The following FAF2 variants were observed in gnomAD, a reference collection of about 807,000 sequenced individuals.
FAF2 encodes the protein FAS-associated factor 2.
In FAF2, 9 loss-of-function variants were observed where a neutral mutation model predicts 62.3. That is an observed-to-expected ratio of 0.14 (90% confidence interval 0.09 to 0.25). The LOEUF (loss-of-function observed/expected upper bound fraction) is 0.25, where lower values mean the gene tolerates loss of function less well. Among genes scored for constraint, FAF2 ranks in the 10% least tolerant of loss-of-function variants. The pLI, the probability that FAF2 is intolerant of heterozygous loss-of-function variation, is 1.00. For missense variants in FAF2, 368 were observed against 556.2 expected (o/e 0.66, Z 3.40); for synonymous variants, 202 against 198.0 (o/e 1.02, Z -0.17).
chr5:176,500,617 C>T (rs78703708), intron 10 of FAF2, among the ~76,000 whole-genome samples: 3,097 of 152,232 alleles, frequency 0.02, 103 homozygotes, highest in African/African-American at 0.07. Context: ...TCTTTCTACT[C>T]AGCCCAAAGG....
chr5:176,483,494 A>G (rs1184214006), intron 2 of FAF2, among the ~76,000 whole-genome samples: 2 of 152,220 alleles, frequency 1.3e-5, no homozygotes, highest in East Asian at 1.9e-4. Flanking sequence ...ATATCCAATT[A>G]TCCCAGCATC....
intron 1 of FAF2, among the ~76,000 whole-genome samples, chr5:176,478,472 C>T (rs1401468874): frequency 6.6e-6 from 1 of 151,782 alleles, no homozygotes; most frequent in Non-Finnish European, 1.5e-5. Context: ...GAGCAAGACC[C>T]TGTCTCGAAA....
rs1759026960 is a variant in FAF2, at chr5:176,494,395, G to T, written c.661+120G>T. On this transcript the variant is annotated intron_variant, in intron 7 of 10. Transcript: ENST00000261942. This position sits in a 1 kb window ranked among gnomAD's most constrained non-coding sequence, Gnocchi z 4.0. ...TTCTGTGGTAGATACGACGCTAGTTGCTATTTTATATTGTCTCATTTAATC... is the reference window on the plus strand; with the variant it reads ...TTCTGTGGTAGATACGACGCTAGTTTCTATTTTATATTGTCTCATTTAATC... The T allele has an allele frequency of 2.5e-6, 2 of 803,178 alleles. No individual in the cohort carries two copies. Among genetic ancestry groups the T allele is most frequent in the Non-Finnish European group, 4.3e-6 (2 of 467,590 alleles). The allele number at this position is 803,178 out of a possible 1,614,324, so 49.8% of individuals were successfully genotyped here.
chr5:176,451,341 A>G (rs972796159), intron 1 of FAF2, among the ~76,000 whole-genome samples: 1 of 152,176 alleles, frequency 6.6e-6, no homozygotes, highest in Non-Finnish European at 1.5e-5. Flanking sequence ...ACTGCACTCC[A>G]GCCTGGGCAA....
chr5:176,461,454 A>G (rs1371877979), intron 1 of FAF2, among the ~76,000 whole-genome samples: 2 of 150,128 alleles, frequency 1.3e-5, no homozygotes, highest in Non-Finnish European at 3.0e-5. Flanking sequence ...AGGAGCTGGG[A>G]CTACAGGTGT....
intron 2 of FAF2, among the ~76,000 whole-genome samples, chr5:176,486,083 G>A (rs1205418619): frequency 6.6e-6 from 1 of 152,190 alleles, no homozygotes; most frequent in East Asian, 1.9e-4. Flanking sequence ...AATAATACAT[G>A]CCATCTGAAT....
At chr5:176,467,358 G>A (rs973370607) in intron 1 of FAF2, among the ~76,000 whole-genome samples, 1 of 151,404 alleles carries the variant, frequency 6.6e-6, no homozygotes, top group Admixed American at 6.6e-5. Flanking sequence ...TTGAGTCAGT[G>A]TCGCCCTTTT....
chr5:176,506,962 T>C lies in FAF2; in HGVS notation c.*12T>C. The C allele has an allele frequency of 6.7e-7, 1 of 1,499,122 alleles. No homozygotes were observed. The highest frequency in any genetic ancestry group is 1.4e-5 in the African/African-American group (1 of 71,742). The allele number at this position is 1,499,122 out of a possible 1,614,324, so 92.9% of individuals were successfully genotyped here. A position where few individuals can be genotyped will look rare whatever the true frequency, so the allele number is the denominator to read the frequency against. ...TAACTGACGAATGACATTTTTTTCTTCCTGTCCCCTCCTACCCCAGTCCCT... is the reference window on the plus strand; with the variant it reads ...TAACTGACGAATGACATTTTTTTCTCCCTGTCCCCTCCTACCCCAGTCCCT... On this transcript the variant is annotated 3_prime_UTR_variant, in exon 11 of 11. Coordinates refer to ENST00000261942, the MANE Select transcript of FAF2 (RefSeq NM_014613.3).
intron 10 of FAF2, among the ~76,000 whole-genome samples, chr5:176,504,756 TGAATG>T (rs1245819492): frequency 9.2e-5 from 14 of 152,244 alleles, no homozygotes; most frequent in African/African-American, 3.1e-4. Flanking sequence ...TATAAAATCA[TGAATG>T]GATTAGACAA....
At position 176,507,296 on chromosome 5, in the gene FAF2, T is replaced by C. The variant is rs1036671879; in HGVS notation, c.*346T>C. On this transcript the variant is annotated 3_prime_UTR_variant, in exon 11 of 11. Coordinates refer to ENST00000261942, the MANE Select transcript of FAF2 (RefSeq NM_014613.3). ...GCTGGGAAGGGGACATTCCCACTAGTTCTCATTCATTCTTGCTTTTATGAA... is the reference window on the plus strand; with the variant it reads ...GCTGGGAAGGGGACATTCCCACTAGCTCTCATTCATTCTTGCTTTTATGAA... 1 of 454,148 alleles carries C rather than the reference T, an allele frequency of 2.2e-6. No homozygotes were observed. Among genetic ancestry groups the C allele is most frequent in the Non-Finnish European group, 4.4e-6 (1 of 225,944 alleles). 28.1% of individuals were successfully genotyped at this position (454,148 alleles called of 1,614,324 possible). A position where few individuals can be genotyped will look rare whatever the true frequency, so the allele number is the denominator to read the frequency against.
At chr5:176,498,773 C>A in intron 8 of FAF2, 141 bp from the exon 9 acceptor site, 1 of 723,980 alleles carries the variant, frequency 1.4e-6, no homozygotes, top group Non-Finnish European at 2.0e-6. Context: ...TTTTGGAATC[C>A]CTTATGGCAG....
At chr5:176,492,063 C>T (rs2113741071) in intron 4 of FAF2, 131 bp from the exon 5 acceptor site, 1 of 950,480 alleles carries the variant, frequency 1.1e-6, no homozygotes, top group South Asian at 1.4e-5. Context: ...ATTTGATGGT[C>T]CACTCACAGA....
Position 176,499,078 on chromosome 5 carries a change from G to A in FAF2, c.1004G>A (p.Arg335Gln). 6.3e-7 allele frequency: 1 copy of A among 1,583,758 alleles called. No homozygotes were observed. Among genetic ancestry groups the A allele is most frequent in the Non-Finnish European group, 8.6e-7 (1 of 1,163,420 alleles). The change falls in exon 9 of 11, where the codon CGG becomes CAG. Residue 335 changes from arginine (R) to glutamine (Q), a missense_variant. Arg to Gln is a conservative substitution (Grantham distance 43). This residue lies in a region of FAF2 where 331 missense variants were observed against 441.9 expected (regional missense o/e 0.75). Coordinates refer to ENST00000261942, the MANE Select transcript of FAF2 (RefSeq NM_014613.3). ...CAGCAAAAGTTGGCAGAGGAGAGAC[G>A]GCGGCAGGTAATGGACGTGTGGCTT... ...VQQQKLAEER[R>Q]RQNLQEEKER...
chr5:176,505,745 G>A (rs958665833), intron 10 of FAF2, among the ~76,000 whole-genome samples: 3 of 152,174 alleles, frequency 2.0e-5, no homozygotes, highest in African/African-American at 7.2e-5. Flanking sequence ...ACTTCGCTTA[G>A]AATAATAGTC....
intron 1 of FAF2, among the ~76,000 whole-genome samples, chr5:176,467,310 A>G (rs1231562055): frequency 1.3e-5 from 2 of 151,750 alleles, no homozygotes; most frequent in Non-Finnish European, 2.9e-5. Context: ...GCCACCTTAG[A>G]TGTCAGTAGA....
intron 1 of FAF2, among the ~76,000 whole-genome samples, chr5:176,455,523 G>A (rs1758264674): frequency 6.6e-6 from 1 of 151,678 alleles, no homozygotes; most frequent in African/African-American, 2.4e-5. Context: ...GCTGAGGTGG[G>A]CAGATCACCT....
intron 10 of FAF2, among the ~76,000 whole-genome samples, chr5:176,504,164 G>A (rs1239473320): frequency 6.6e-6 from 1 of 151,906 alleles, no homozygotes; most frequent in East Asian, 1.9e-4. Context: ...CTCAAGCAGA[G>A]ATTAAAAAGA....
intron 2 of FAF2, among the ~76,000 whole-genome samples, chr5:176,482,512 A>G (rs757372239): frequency 7.3e-5 from 11 of 151,532 alleles, no homozygotes; most frequent in Admixed American, 2.6e-4. Flanking sequence ...GCGTCTGGCC[A>G]GTTTATGTTT....
At chr5:176,471,639 T>C (rs1432930130) in intron 1 of FAF2, among the ~76,000 whole-genome samples, 2 of 151,120 alleles carry the variant, frequency 1.3e-5, no homozygotes, top group African/African-American at 2.4e-5. Flanking sequence ...CACCTCGGCC[T>C]CCCAAAGTGC....
Sources: allele counts gnomAD v4.1 joint callset (sites outside exome capture counted in the v4.1 genomes callset), GRCh38; gene constraint gnomAD v4.1.1; regional missense constraint gnomAD v4.1.1; non-coding constraint Gnocchi (gnomAD v3.1); transcripts MANE v1.5; gene names NCBI Gene and HGNC (gene_info 2026-07-23, HGNC 2026-07-21).